SETD5: variants seen among roughly 807,000 people sequenced by gnomAD.
SETD5 encodes the protein histone-lysine N-methyltransferase SETD5.
In SETD5, 44 loss-of-function variants were observed where a neutral mutation model predicts 153.3. The observed-to-expected ratio is 0.29, with a 90% CI of 0.23 to 0.37. The LOEUF is 0.37. SETD5 is among the 10% of genes least tolerant of loss of function. The probability of loss-of-function intolerance (pLI) is 1.00; values close to 1 mark genes in which losing one functional copy is unlikely to be tolerated. For synonymous variants in SETD5, 716 were observed against 645.2 expected (o/e 1.11, Z -1.66); for missense variants, 1,544 against 1,768.0 (o/e 0.87, Z 2.27).
In SETD5 at chr3:9,445,737, G is replaced by A. The variant is rs772456152; in HGVS notation, c.1521G>A (p.Arg507=). Residue 507 remains arginine, a synonymous_variant, in exon 13 of 23, where the codon AGG becomes AGA. Transcript: ENST00000402198. ...IDDQENLAHS[R]RTREDRKVEA... ...ACCAGGAGAACCTAGCTCATAGCAG[G>A]AGGGTGAGTACTGTCTGACATTACT... The A allele has an allele frequency of 1.2e-6, 2 of 1,611,278 alleles. No individual in the cohort carries two copies. Among genetic ancestry groups the A allele is most frequent in the South Asian group, 2.2e-5 (2 of 90,728 alleles).
intron 18 of SETD5, among the ~76,000 whole-genome samples, chr3:9,465,222 T>C (rs2044414425): frequency 6.6e-6 from 1 of 152,238 alleles, no homozygotes; most frequent in Admixed American, 6.5e-5. Flanking sequence ...TTTGTTATAA[T>C]GTCTTAGGAA....
intron 7 of SETD5, among the ~76,000 whole-genome samples, chr3:9,437,765 G>T (rs2040762550): frequency 6.6e-6 from 1 of 152,104 alleles, no homozygotes; most frequent in Non-Finnish European, 1.5e-5. Flanking sequence ...CACTTTGGAA[G>T]ACCAAGGCAA....
At chr3:9,437,148 T>A (rs1575400475) in intron 7 of SETD5, among the ~76,000 whole-genome samples, 1 of 152,198 alleles carries the variant, frequency 6.6e-6, no homozygotes, top group East Asian at 1.9e-4. Flanking sequence ...AGTGACATTT[T>A]TCCAAACAAA....
chr3:9,429,870 A>G (rs1273706097), intron 3 of SETD5: 1 of 1,303,914 alleles, frequency 7.7e-7, no homozygotes, highest in East Asian at 5.6e-5. Flanking sequence ...AAGTGGCACT[A>G]CACCAGGATG....
intron 1 of SETD5, among the ~76,000 whole-genome samples, chr3:9,414,417 G>C (rs78988451): frequency 0.021 from 3,185 of 152,170 alleles, 106 homozygotes; most frequent in Admixed American, 0.091. Context: ...TTAAGAATTC[G>C]GGGATGAGTA....
At position 9,447,091 on chromosome 3, in the gene SETD5, T is replaced by C. The variant is rs757136475; in HGVS notation, c.1566T>C (p.Phe522=). 1 of 1,613,776 alleles carries C rather than the reference T, an allele frequency of 6.2e-7. No individual in the cohort carries two copies. The highest frequency in any genetic ancestry group is 1.1e-5 in the South Asian group (1 of 91,066). Residue 522 remains phenylalanine (F), a synonymous_variant, in exon 14 of 23, where the codon TTT becomes TTC. Transcript: ENST00000402198. ...AGGTAGAAGCCATCATGCATGCTTT[T>C]GAAAACTTAGAGAAAAGAAAGAAGC... is the stretch of plus-strand genomic sequence containing the variant. ...DRKVEAIMHA[F]ENLEKRKKRR... is the part of the protein sequence containing the mutation.
chr3:9,477,636 A>G lies in SETD5; in HGVS notation c.*1545A>G, dbSNP rs996205205. 1 of 148,948 alleles carries G rather than the reference A, an allele frequency of 6.7e-6. No individual in the cohort carries two copies. Among genetic ancestry groups the G allele is most frequent in the African/African-American group, 2.5e-5 (1 of 40,216 alleles). 9.2% of individuals were successfully genotyped at this position (148,948 alleles called of 1,614,324 possible). A position where few individuals can be genotyped will look rare whatever the true frequency, so the allele number is the denominator to read the frequency against. ...TTGTGTGTGACTGTTACAAAATTTC[A>G]CTTTTCAAAATCGAAATCAGGTGTT... is the stretch of plus-strand genomic sequence containing the variant. On this transcript the variant is annotated 3_prime_UTR_variant, in exon 23 of 23. Transcript: ENST00000402198.
intron 11 of SETD5, among the ~76,000 whole-genome samples, chr3:9,444,508 CT>C (rs1338995025): frequency 6.6e-6 from 1 of 151,790 alleles, no homozygotes; most frequent in African/African-American, 2.4e-5. Context: ...CAATAAACCA[CT>C]GGGGGGATTG....
intron 7 of SETD5, 62 bp downstream of exon 7, chr3:9,435,968 G>A (rs1271204501): frequency 7.0e-7 from 1 of 1,426,750 alleles, no homozygotes; most frequent in East Asian, 2.5e-5. Context: ...TTTGGAGCAA[G>A]AATGCACCAA....
rs1166404769 is a variant in SETD5 at position 9,478,053 on chromosome 3, C to G, written c.*1962C>G. ...AAGGGAAGAAGTATCACTTCTTTCT[C>G]AAGTGGAGTGTTTACACCTTGCTGT... On this transcript the variant is annotated 3_prime_UTR_variant, in exon 23 of 23. Coordinates refer to ENST00000402198, the MANE Select transcript of SETD5 (RefSeq NM_001080517.3). 1 of 152,846 alleles carries G rather than the reference C, an allele frequency of 6.5e-6. No homozygotes were observed. The highest frequency in any genetic ancestry group is 1.5e-5 in the Non-Finnish European group (1 of 68,360). 9.5% of individuals were successfully genotyped at this position (152,846 alleles called of 1,614,324 possible).
At chr3:9,410,696 A>G (rs1406401382) in intron 1 of SETD5, among the ~76,000 whole-genome samples, 3 of 152,158 alleles carry the variant, frequency 2.0e-5, no homozygotes, top group African/African-American at 7.2e-5. Context: ...CCCTTTTAGC[A>G]GAAGAAGCAT....
chr3:9,414,052 G>A (rs2037041298), intron 1 of SETD5, among the ~76,000 whole-genome samples: 1 of 152,176 alleles, frequency 6.6e-6, no homozygotes, highest in Non-Finnish European at 1.5e-5. Flanking sequence ...TGGAATTACA[G>A]GTGTGAGCCA....
At chr3:9,462,787 T>C (rs912746326) in intron 17 of SETD5, among the ~76,000 whole-genome samples, 1 of 151,990 alleles carries the variant, frequency 6.6e-6, no homozygotes, top group South Asian at 2.1e-4. Flanking sequence ...AATACCTGTT[T>C]TGTCTCTCTC....
At chr3:9,410,514 A>G (rs2036399315) in intron 1 of SETD5, among the ~76,000 whole-genome samples, 1 of 152,052 alleles carries the variant, frequency 6.6e-6, no homozygotes, top group Admixed American at 6.5e-5. Context: ...GTTTTGTTTT[A>G]TGATTATGTA....
chr3:9,409,857 A>G (rs995957730), intron 1 of SETD5, among the ~76,000 whole-genome samples: 1 of 152,206 alleles, frequency 6.6e-6, no homozygotes, highest in Non-Finnish European at 1.5e-5. Flanking sequence ...CCCATGCCCA[A>G]AATCTCAGTT....
chr3:9,456,421 C>T lies in SETD5; in HGVS notation c.2476+2553C>T, dbSNP rs551254696. Among the ~76,000 whole-genome samples, 15 of 147,562 alleles carry T rather than the reference C, an allele frequency of 1.0e-4. No homozygotes were observed. In the South Asian group the frequency reaches 2.1e-3, roughly 21 times the overall value. On this transcript the variant is annotated intron_variant, in intron 17 of 22. Coordinates refer to ENST00000402198, the MANE Select transcript of SETD5 (RefSeq NM_001080517.3). ...CCTGGAGGTGGAGGTTGCAGTGAGA[C>T]GAGATTGCGCCACTCCACTCCAGCC... is the stretch of plus-strand genomic sequence containing the variant.
chr3:9,469,390 G>C (rs2045031196), intron 18 of SETD5, among the ~76,000 whole-genome samples: 2 of 152,184 alleles, frequency 1.3e-5, no homozygotes, highest in Non-Finnish European at 2.9e-5. Flanking sequence ...TGAAGAGAAA[G>C]TTAGAGTCTC....
chr3:9,477,153 A>T lies in SETD5; in HGVS notation c.*1062A>T, dbSNP rs2045897265. ...GGCCTGCCCCACATTTCTCTGGGGG[A>T]TGCTTATGTGAGAGTGGGCCCAGTG... is the stretch of plus-strand genomic sequence containing the variant. On this transcript the variant is annotated 3_prime_UTR_variant, in exon 23 of 23. Transcript: ENST00000402198. The T allele has an allele frequency of 6.6e-6, 1 of 152,400 alleles. No individual in the cohort carries two copies. Among genetic ancestry groups the T allele is most frequent in the South Asian group, 2.1e-4 (1 of 4,812 alleles). The allele number at this position is 152,400 out of a possible 1,614,324, so 9.4% of individuals were successfully genotyped here.
chr3:9,405,828 T>G (rs2035564289), intron 1 of SETD5, among the ~76,000 whole-genome samples: 1 of 152,240 alleles, frequency 6.6e-6, no homozygotes, highest in African/African-American at 2.4e-5. Context: ...TGTTGGATTT[T>G]CTTCCCCATC....
Sources: allele counts gnomAD v4.1 joint callset (sites outside exome capture counted in the v4.1 genomes callset), GRCh38; gene constraint gnomAD v4.1.1; transcripts MANE v1.5; gene names NCBI Gene and HGNC (gene_info 2026-07-23, HGNC 2026-07-21).